TMEM45A: variants seen among roughly 807,000 people sequenced by gnomAD.
The protein encoded by TMEM45A is transmembrane protein 45A.
A neutral mutation model predicts 32.0 loss-of-function variants in TMEM45A; 25 were observed. That is an observed-to-expected ratio of 0.78 (90% CI 0.57 to 1.09). TMEM45A has a LOEUF of 1.09. TMEM45A is among the 50% of genes least tolerant of loss of function. The pLI is 0.00. For synonymous variants in TMEM45A, 122 were observed against 114.8 expected, an observed-to-expected ratio of 1.06 and a Z score of -0.40; for missense variants, 302 against 325.0, an observed-to-expected ratio of 0.93 and a Z score of 0.54.
chr3:100,563,079 C>T (rs1706366963), intron 4 of TMEM45A, among the ~76,000 whole-genome samples: 1 of 152,176 alleles, frequency 6.6e-6, no homozygotes, highest in African/African-American at 2.4e-5. Context: ...AAGGTGTTGG[C>T]AGGGTTGGTT....
chr3:100,541,516 T>A (rs911224412), intron 1 of TMEM45A, among the ~76,000 whole-genome samples: 74 of 144,440 alleles, frequency 5.1e-4, no homozygotes, highest in African/African-American at 1.8e-3. Flanking sequence ...TTTCTTTTCT[T>A]TTCTTTCCTT....
intron 1 of TMEM45A, among the ~76,000 whole-genome samples, chr3:100,524,948 G>A (rs1705512093): frequency 6.6e-6 from 1 of 152,130 alleles, no homozygotes; most frequent in South Asian, 2.1e-4. Context: ...CCAGCACTTT[G>A]GGAGGCAGAA....
At chr3:100,503,330 C>G (rs1708033583) in intron 1 of TMEM45A, among the ~76,000 whole-genome samples, 3 of 152,084 alleles carry the variant, frequency 2.0e-5, no homozygotes, top group Non-Finnish European at 4.4e-5. Context: ...GTCTTGAACT[C>G]CTGACCTCAA....
intron 1 of TMEM45A, among the ~76,000 whole-genome samples, chr3:100,531,401 G>A (rs1418952646): frequency 6.6e-6 from 1 of 152,080 alleles, no homozygotes; most frequent in Non-Finnish European, 1.5e-5. Flanking sequence ...AGTATATCTG[G>A]ATCACCTAGA....
intron 1 of TMEM45A, among the ~76,000 whole-genome samples, chr3:100,550,693 A>C (rs1207468713): frequency 6.6e-6 from 1 of 152,202 alleles, no homozygotes; most frequent in African/African-American, 2.4e-5. Context: ...GGCTGTTAAC[A>C]TCTGGGAATT....
chr3:100,541,950 T>C (rs1481131311), intron 1 of TMEM45A, among the ~76,000 whole-genome samples: 1 of 142,674 alleles, frequency 7.0e-6, no homozygotes, highest in Non-Finnish European at 1.5e-5. Context: ...TGTCAAAGAT[T>C]AGATGACTGT....
At chr3:100,572,986 C>G (rs1264121075) in intron 5 of TMEM45A, 10 of 151,840 alleles carry the variant, frequency 6.6e-5, no homozygotes, top group Non-Finnish European at 1.2e-4. Flanking sequence ...CAGTACCATG[C>G]TGTTTTGGTG....
chr3:100,571,445 C>T (rs1000569232), intron 5 of TMEM45A: 1 of 151,478 alleles, frequency 6.6e-6, no homozygotes, highest in Non-Finnish European at 1.5e-5. Flanking sequence ...TTAAATGCAC[C>T]CTAATGATAG....
chr3:100,493,077 C>T (rs2148919083), intron 1 of TMEM45A, 149 bp downstream of exon 1: 1 of 151,546 alleles, frequency 6.6e-6, no homozygotes. Flanking sequence ...CCCTTCTCTT[C>T]CGTTTCACTA....
At position 100,495,087 on chromosome 3, in the gene TMEM45A, C is replaced by G. The variant is rs1707903715; in HGVS notation, c.-4+2159C>G. On this transcript the variant is annotated intron_variant, in intron 1 of 5. Transcript: ENST00000323523. ...GTTGCACATCAGTTTCCCCAGCTGC[C>G]ATTTTGACTTCTGCTCTAGCAACTG... is the stretch of plus-strand genomic sequence containing the variant. Among the ~76,000 whole-genome samples, 4 of 152,200 alleles carry G rather than the reference C, an allele frequency of 2.6e-5. No homozygotes were observed. The South Asian group carries it at 8.3e-4, about 32-fold the overall frequency.
intron 5 of TMEM45A, 100 bp downstream of exon 5, chr3:100,569,067 C>G: frequency 8.2e-7 from 1 of 1,224,928 alleles, no homozygotes; most frequent in Non-Finnish European, 1.2e-6. Context: ...TATTTCATTC[C>G]TTATCATCCC....
chr3:100,562,291 A>G (rs1297275523), intron 4 of TMEM45A, among the ~76,000 whole-genome samples: 1 of 152,146 alleles, frequency 6.6e-6, no homozygotes, highest in East Asian at 1.9e-4. Context: ...TCTGTATTTA[A>G]AGGAGGATTT....
At position 100,507,005 on chromosome 3, in the gene TMEM45A, C is replaced by A. The variant is rs183334910; in HGVS notation, c.-4+14077C>A. On this transcript the variant is annotated intron_variant, in intron 1 of 5. Transcript: ENST00000323523. ...TAAAGAGTCAGGGTTTGTTCATTGG[C>A]AGAAGTTGGAGGCTGGGTCAGAGAG... Among the ~76,000 whole-genome samples the A allele has an allele frequency of 5.4e-4, 83 of 152,302 alleles. No individual in the cohort carries two copies. The Middle Eastern group carries it at 0.014, about 25-fold the overall frequency.
intron 1 of TMEM45A, among the ~76,000 whole-genome samples, chr3:100,522,258 T>TGG (rs1281679654): frequency 2.6e-5 from 4 of 152,222 alleles, no homozygotes; most frequent in African/African-American, 9.6e-5. Context: ...GGGCTGACTC[T>TGG]GGCCCTTGAC....
chr3:100,556,830 G>A lies in TMEM45A; in HGVS notation c.261G>A (p.Trp87Ter). ...TATATGACTATAAACAAGGTCACTG[G>A]AATCAACTCCTGGGCTGGCATCATT... The part of the protein sequence containing the change: ...LMLYDYKQGH[W>*]NQLLGWHHFT... The change falls in exon 3 of 6, where the codon TGG becomes TGA. Residue 87 changes from tryptophan (W) to a stop codon, truncating the protein, a stop_gained. Transcript: ENST00000323523. LOFTEE classifies it high-confidence loss of function. 2.5e-6 allele frequency: 4 copies of A among 1,614,120 alleles called. No individual in the cohort carries two copies.
At chr3:100,522,015 C>T (rs572572842) in intron 1 of TMEM45A, among the ~76,000 whole-genome samples, 6 of 152,116 alleles carry the variant, frequency 3.9e-5, no homozygotes, top group African/African-American at 7.2e-5. Flanking sequence ...CAGTTATATA[C>T]CTGCCCAGTT....
At chr3:100,558,687 A>G in intron 4 of TMEM45A, 98 bp downstream of exon 4, 2 of 1,212,394 alleles carry the variant, frequency 1.6e-6, no homozygotes, top group South Asian at 1.4e-5. Context: ...TCCCTCCAAC[A>G]TACTGCCTGT....
chr3:100,565,329 T>C (rs1314955586), intron 4 of TMEM45A, among the ~76,000 whole-genome samples: 2 of 152,170 alleles, frequency 1.3e-5, no homozygotes, highest in African/African-American at 4.8e-5. Context: ...AAATGGAAGT[T>C]TTCTTTCCAA....
chr3:100,508,703 T>C (rs897956888), intron 1 of TMEM45A, among the ~76,000 whole-genome samples: 6 of 151,998 alleles, frequency 3.9e-5, no homozygotes, highest in African/African-American at 1.5e-4. Flanking sequence ...AAAACATATA[T>C]TGGGGAAAGG....
Sources: gnomAD v4.1 joint callset for allele counts (sites outside exome capture counted in the v4.1 genomes callset) on GRCh38, gnomAD v4.1.1 for gene constraint, MANE v1.5 for transcripts, NCBI Gene and HGNC (gene_info 2026-07-23, HGNC 2026-07-21) for gene names.